Variants in NELL1 observed in about 807,000 individuals in gnomAD.
The protein encoded by NELL1 is protein kinase C-binding protein NELL1.
A neutral mutation model predicts 107.4 loss-of-function variants in NELL1; 76 were observed. The ratio of observed to expected loss-of-function variants is 0.71; its 90% CI spans 0.59 to 0.86. NELL1 has a LOEUF of 0.86. Among genes scored for constraint, NELL1 ranks in the 40% least tolerant of loss-of-function variants. The pLI is 0.00. For missense variants in NELL1, 1,024 were observed against 1,005.5 expected (o/e 1.02, Z -0.25); for synonymous variants, 353 against 341.2 (o/e 1.03, Z -0.38).
chr11:21,022,227 C>T (rs924537769), intron 12 of NELL1, among the ~76,000 whole-genome samples: 1 of 152,066 alleles, frequency 6.6e-6, no homozygotes, highest in Admixed American at 6.6e-5. Flanking sequence ...GTGGCAGGTT[C>T]TTTGGCGTTA....
intron 11 of NELL1, among the ~76,000 whole-genome samples, chr11:20,959,501 A>G (rs555159859): frequency 9.2e-5 from 14 of 152,334 alleles, no homozygotes; most frequent in Non-Finnish European, 1.5e-4. Flanking sequence ...AAAGGAATGA[A>G]TTAGTGGCAT....
rs373578343 is a variant in NELL1 at position 21,049,536 on chromosome 11, G to A, written c.1301-64053G>A. Among the ~76,000 whole-genome samples, 27 of 152,214 alleles carry A rather than the reference G, an allele frequency of 1.8e-4. No individual in the cohort carries two copies. In the East Asian group the frequency reaches 4.4e-3, roughly 25 times the overall value. On this transcript the variant is annotated intron_variant, in intron 12 of 19. Transcript: ENST00000357134. ...AAGGTCTGTCATTAAGGAACATAGA[G>A]CAAATTACCCCCAAGATGAGAACTA... is the stretch of plus-strand genomic sequence containing the variant.
chr11:21,227,091 G>A, intron 13 of NELL1, among the ~76,000 whole-genome samples: 1 of 152,212 alleles, frequency 6.6e-6, no homozygotes, highest in Admixed American at 6.5e-5. Flanking sequence ...CCATACTTAA[G>A]TCTGCGTGAG....
rs748073010 is a variant in NELL1 at position 21,113,706 on chromosome 11, C to T, written c.1418C>T (p.Ser473Phe). 21 of 1,611,178 alleles carry T rather than the reference C, an allele frequency of 1.3e-5. No individual in the cohort carries two copies. Among genetic ancestry groups the T allele is most frequent in the Non-Finnish European group, 1.7e-5 (20 of 1,178,370 alleles). Residue 473 changes from serine to phenylalanine, a missense_variant, in exon 13 of 20, where the codon TCT becomes TTT. By Grantham distance (155) the Ser-to-Phe change is radical. Coordinates refer to ENST00000357134, the MANE Select transcript of NELL1 (RefSeq NM_006157.5). ...GGATACATTCGTGTGGATGACTTCT[C>T]TTGTACAGGTGAGCTTTAAGAAGCA... ...VPGYIRVDDF[S>F]CTEHDECGSG...
intron 5 of NELL1, among the ~76,000 whole-genome samples, chr11:20,914,786 C>T (rs997144755): frequency 1.5e-4 from 23 of 151,956 alleles, no homozygotes; most frequent in African/African-American, 5.6e-4. Context: ...CTTAGAGTAT[C>T]AAAGCCTTAA....
intron 14 of NELL1, among the ~76,000 whole-genome samples, chr11:21,294,722 C>G (rs1019870313): frequency 6.6e-6 from 1 of 151,926 alleles, no homozygotes; most frequent in African/African-American, 2.4e-5. Context: ...TTGAGGCCAC[C>G]TTTAAAAGTC....
At chr11:20,847,842 G>C in intron 4 of NELL1, 89 bp downstream of exon 4, 8 of 1,390,850 alleles carry the variant, frequency 5.8e-6, no homozygotes, top group Non-Finnish European at 7.8e-6. Context: ...TTCAAGACTT[G>C]CCAGGAAACA....
At chr11:21,381,090 A>C (rs544246181) in intron 15 of NELL1, among the ~76,000 whole-genome samples, 1 of 152,138 alleles carries the variant, frequency 6.6e-6, no homozygotes, top group East Asian at 1.9e-4. Flanking sequence ...GCTGAATCCA[A>C]ATTTCATACA....
chr11:20,986,269 A>G (rs1851850911), intron 12 of NELL1, among the ~76,000 whole-genome samples: 1 of 152,208 alleles, frequency 6.6e-6, no homozygotes, highest in Non-Finnish European at 1.5e-5. Flanking sequence ...TCAGAGCCTC[A>G]GGACCCTCCT....
At chr11:21,044,137 T>C (rs919981676) in intron 12 of NELL1, among the ~76,000 whole-genome samples, 1 of 152,120 alleles carries the variant, frequency 6.6e-6, no homozygotes, top group African/African-American at 2.4e-5. Flanking sequence ...AGGGTGCAGA[T>C]GGAGAAGCCA....
chr11:20,693,932 G>A (rs1359508201), intron 2 of NELL1, among the ~76,000 whole-genome samples: 2 of 152,152 alleles, frequency 1.3e-5, no homozygotes, highest in Non-Finnish European at 2.9e-5. Flanking sequence ...CCAATCAGAC[G>A]CAGATTTGGT....
At chr11:20,962,914 A>G (rs1181028666) in intron 12 of NELL1, among the ~76,000 whole-genome samples, 1 of 152,196 alleles carries the variant, frequency 6.6e-6, no homozygotes, top group Non-Finnish European at 1.5e-5. Flanking sequence ...ATGGCTAAAC[A>G]TTGGACCCCT....
At chr11:20,766,107 G>A (rs934054534) in intron 2 of NELL1, among the ~76,000 whole-genome samples, 4 of 152,190 alleles carry the variant, frequency 2.6e-5, no homozygotes, top group African/African-American at 7.2e-5. Context: ...CTGCACCTAA[G>A]CTATTCAAGG....
intron 12 of NELL1, among the ~76,000 whole-genome samples, chr11:21,047,867 A>G (rs886338611): frequency 3.3e-5 from 5 of 152,142 alleles, no homozygotes; most frequent in Admixed American, 6.6e-5. Flanking sequence ...GAGCGAATGG[A>G]CACTGCTCCC....
chr11:20,837,660 A>G (rs971337893), intron 3 of NELL1, among the ~76,000 whole-genome samples: 2 of 152,136 alleles, frequency 1.3e-5, no homozygotes, highest in Non-Finnish European at 2.9e-5. Context: ...AAAACAAAAT[A>G]AAACAAAACA....
chr11:20,924,197 A>G (rs930466123), intron 7 of NELL1, among the ~76,000 whole-genome samples: 1 of 152,192 alleles, frequency 6.6e-6, no homozygotes, highest in East Asian at 1.9e-4. Context: ...AGAAAATGCA[A>G]TTCATTTTTT....
At chr11:21,500,628 C>T (rs1018248324) in intron 15 of NELL1, among the ~76,000 whole-genome samples, 1 of 152,080 alleles carries the variant, frequency 6.6e-6, no homozygotes, top group Non-Finnish European at 1.5e-5. Flanking sequence ...TTATACGTGA[C>T]ATGGCTTTTT....
intron 2 of NELL1, among the ~76,000 whole-genome samples, chr11:20,699,731 G>A (rs933591483): frequency 1.2e-4 from 18 of 152,280 alleles, no homozygotes; most frequent in East Asian, 7.7e-4. Flanking sequence ...TGCTGATTGC[G>A]CTGCTATAAA....
rs1292946474 is a variant in NELL1, at chr11:21,507,441, C to G, written c.1646-26933C>G. Among the ~76,000 whole-genome samples, 5 of 152,214 alleles carry G rather than the reference C, an allele frequency of 3.3e-5. No individual in the cohort carries two copies. In the East Asian group the frequency reaches 9.6e-4, roughly 29 times the overall value. Reference sequence around the variant, plus strand: ...TGGAAAACAATCTTTCATTTAAAGACTTTAAATAATTTGAGTGGAAGAAAT... The same window carrying G: ...TGGAAAACAATCTTTCATTTAAAGAGTTTAAATAATTTGAGTGGAAGAAAT... On this transcript the variant is annotated intron_variant, in intron 15 of 19. Transcript: ENST00000357134.
Sources: allele counts gnomAD v4.1 joint callset (sites outside exome capture counted in the v4.1 genomes callset), GRCh38; gene constraint gnomAD v4.1.1; transcripts MANE v1.5; gene names NCBI Gene and HGNC (gene_info 2026-07-23, HGNC 2026-07-21).